The following GHR variants were observed in gnomAD, a reference collection of about 807,000 sequenced individuals.
GHR encodes growth hormone receptor.
Under a neutral mutation model 67.1 loss-of-function variants are expected in GHR, and 35 were observed. That is an observed-to-expected ratio of 0.52 (90% CI 0.40 to 0.69). The LOEUF is 0.69. Ranked by LOEUF, GHR falls within the 30% of genes least tolerant of loss-of-function variation. GHR has a pLI of 0.00. For synonymous variants in GHR, 272 were observed against 269.1 expected, an observed-to-expected ratio of 1.01 and a Z score of -0.10; for missense variants, 792 against 764.6, an observed-to-expected ratio of 1.04 and a Z score of -0.42.
chr5:42,474,209 AAGAG>A (rs775736490), intron 1 of GHR, among the ~76,000 whole-genome samples: 7 of 150,254 alleles, frequency 4.7e-5, no homozygotes, highest in East Asian at 1.9e-4. Context: ...AGAGAGATGA[AAGAG>A]AGAGAGAGAG....
intron 2 of GHR, among the ~76,000 whole-genome samples, chr5:42,607,062 A>G (rs968001214): frequency 3.9e-5 from 6 of 152,034 alleles, no homozygotes; most frequent in Non-Finnish European, 8.8e-5. Context: ...AGAGCTGATG[A>G]AGTTTTAAAG....
chr5:42,667,277 AACACAG>A (rs1454541890), intron 3 of GHR, among the ~76,000 whole-genome samples: 1 of 152,134 alleles, frequency 6.6e-6, no homozygotes, highest in Non-Finnish European at 1.5e-5. Flanking sequence ...TCTGAGAGCT[AACACAG>A]ACACAGTCAA....
chr5:42,712,844 A>G (rs1384409974), intron 7 of GHR, among the ~76,000 whole-genome samples: 1 of 151,078 alleles, frequency 6.6e-6, no homozygotes, highest in East Asian at 1.9e-4. Flanking sequence ...TGTATATAAT[A>G]TACATGAGAT....
intron 6 of GHR, among the ~76,000 whole-genome samples, chr5:42,701,807 A>G (rs560417766): frequency 1.3e-5 from 2 of 152,332 alleles, no homozygotes; most frequent in South Asian, 4.1e-4. Context: ...AATAAAATGT[A>G]TGAACATTTA....
intron 1 of GHR, among the ~76,000 whole-genome samples, chr5:42,495,648 G>A (rs1746293745): frequency 6.6e-6 from 1 of 152,060 alleles, no homozygotes; most frequent in Non-Finnish European, 1.5e-5. Flanking sequence ...TGGGATGGTA[G>A]GTTCATTTGG....
chr5:42,433,133 T>C (rs62370608), intron 1 of GHR, among the ~76,000 whole-genome samples: 1,600 of 152,320 alleles, frequency 0.011, 17 homozygotes, highest in Non-Finnish European at 0.015. Flanking sequence ...GATGGATATA[T>C]GTTTCACATT....
intron 3 of GHR, among the ~76,000 whole-genome samples, chr5:42,688,363 AACCAGTGAGTACTGGGAGCGGTAG>A (rs1757259301): frequency 6.6e-6 from 1 of 152,186 alleles, no homozygotes; most frequent in Non-Finnish European, 1.5e-5. Flanking sequence ...GGCACCCTTC[AACCAGTGAGTACTGGGAGCGGTAG>A]ATAAATATCC....
chr5:42,616,265 CG>C (rs1232354494), intron 2 of GHR, among the ~76,000 whole-genome samples: 1 of 151,634 alleles, frequency 6.6e-6, no homozygotes, highest in East Asian at 1.9e-4. Flanking sequence ...TTTGATTGTT[CG>C]GGAAAAAGGT....
chr5:42,480,079 A>G (rs1393150996), intron 1 of GHR, among the ~76,000 whole-genome samples: 1 of 152,054 alleles, frequency 6.6e-6, no homozygotes, highest in Admixed American at 6.5e-5. Flanking sequence ...AGATTCTGGT[A>G]TGTTGTGTCT....
intron 3 of GHR, among the ~76,000 whole-genome samples, chr5:42,651,353 G>C (rs1755008918): frequency 6.6e-6 from 1 of 152,186 alleles, no homozygotes; most frequent in Non-Finnish European, 1.5e-5. Flanking sequence ...TTCCAAGGCT[G>C]AGCTAAGTTA....
chr5:42,686,313 G>A (rs899893339), intron 3 of GHR, among the ~76,000 whole-genome samples: 1 of 150,710 alleles, frequency 6.6e-6, no homozygotes, highest in Admixed American at 6.7e-5. Flanking sequence ...ATCTTATTTG[G>A]TACCAGTACC....
At chr5:42,429,648 T>C (rs989082674) in intron 1 of GHR, among the ~76,000 whole-genome samples, 2 of 152,254 alleles carry the variant, frequency 1.3e-5, no homozygotes, top group African/African-American at 4.8e-5. Flanking sequence ...CTGAATGTAC[T>C]ATAAATTTAT....
rs200927881 is a variant in GHR at position 42,680,855 on chromosome 5, T to TA, written c.137-8035_137-8034insA. 2.6e-3 allele frequency among the ~76,000 whole-genome samples: 372 copies of TA among 141,660 alleles called. 4 individuals are homozygous for TA. The highest frequency in any genetic ancestry group is 9.0e-3 in the African/African-American group (291 of 32,254). 92.9% of individuals were successfully genotyped at this position (141,660 alleles called of 152,430 possible). A position where few individuals can be genotyped will look rare whatever the true frequency, so the allele number is the denominator to read the frequency against. On this transcript the variant is annotated intron_variant, in intron 3 of 9. Coordinates refer to ENST00000230882, the MANE Select transcript of GHR (RefSeq NM_000163.5). ...CTTAATGTCTTTCTATTATTATTAT[T>TA]TTTTTTTATTATACTTTGTTCTGGC...
intron 3 of GHR, among the ~76,000 whole-genome samples, chr5:42,664,713 G>A (rs1336993254): frequency 6.6e-6 from 1 of 152,126 alleles, no homozygotes; most frequent in Non-Finnish European, 1.5e-5. Context: ...AACACCAAAA[G>A]CAATGGCAAC....
intron 3 of GHR, among the ~76,000 whole-genome samples, chr5:42,650,754 CAT>C (rs2112822803): frequency 6.6e-6 from 1 of 152,124 alleles, no homozygotes; most frequent in Admixed American, 6.5e-5. Flanking sequence ...CTATGAAGCA[CAT>C]GATTGTTATA....
At position 42,451,405 on chromosome 5, in the gene GHR, T is replaced by C. The variant is rs113218709; in HGVS notation, c.-12+27450T>C. Among the ~76,000 whole-genome samples, 375 of 150,836 alleles carry C rather than the reference T, an allele frequency of 2.5e-3. 1 individual carries two copies. Among genetic ancestry groups the C allele is most frequent in the African/African-American group, 8.6e-3 (354 of 40,966 alleles). On this transcript the variant is annotated intron_variant, in intron 1 of 9. Coordinates refer to ENST00000230882, the MANE Select transcript of GHR (RefSeq NM_000163.5). Reference sequence around the variant, plus strand: ...ATGTCCCTCTTTGTCTTTTTTTTTTTCCACTGTTGTTGCTTTAAAGTCTGT... The same window carrying C: ...ATGTCCCTCTTTGTCTTTTTTTTTTCCCACTGTTGTTGCTTTAAAGTCTGT...
At chr5:42,539,926 C>T (rs948576810) in intron 1 of GHR, among the ~76,000 whole-genome samples, 25 of 152,022 alleles carry the variant, frequency 1.6e-4, no homozygotes, top group East Asian at 7.7e-4. Flanking sequence ...ATATTAAGTA[C>T]GCTATTAAGT....
intron 3 of GHR, among the ~76,000 whole-genome samples, chr5:42,685,318 A>C (rs1172529557): frequency 1.3e-5 from 2 of 152,138 alleles, no homozygotes; most frequent in East Asian, 3.8e-4. Flanking sequence ...GCATATATGC[A>C]ACATTTTCTT....
intron 1 of GHR, among the ~76,000 whole-genome samples, chr5:42,474,338 A>AAAGAAAGAAAGAAAG (rs370296727): frequency 5.7e-5 from 2 of 35,232 alleles, no homozygotes; most frequent in African/African-American, 9.2e-5. Context: ...AGAAAGAAAG[A>AAAGAAAGAAAGAAAG]AAAGAAATAA....
Sources: allele counts gnomAD v4.1 joint callset (sites outside exome capture counted in the v4.1 genomes callset), GRCh38; gene constraint gnomAD v4.1.1; transcripts MANE v1.5; gene names NCBI Gene and HGNC (gene_info 2026-07-23, HGNC 2026-07-21).